GPC3: variants seen among roughly 807,000 people sequenced by gnomAD.
GPC3 encodes the protein glypican 3.
GPC3 carries 3 observed loss-of-function variants against 34.4 expected under a neutral mutation model. That is an observed-to-expected ratio of 0.09 (90% CI 0.04 to 0.23). GPC3 has a LOEUF of 0.23. Among genes scored for constraint, GPC3 ranks in the 10% least tolerant of loss-of-function variants. The pLI is 1.00. For synonymous variants in GPC3, 177 were observed against 174.0 expected (o/e 1.02, Z -0.13); for missense variants, 351 against 445.6 (o/e 0.79, Z 1.91).
chrX:133,958,725 A>G (rs1315901234), intron 1 of GPC3, among the ~76,000 whole-genome samples: 1 of 95,005 alleles, frequency 1.1e-5, no homozygotes, highest in East Asian at 3.2e-4. Flanking sequence ...AAAAAAAAAC[A>G]AAAAAAAAAA....
At chrX:133,543,103 T>A (rs1252786545) in intron 7 of GPC3, among the ~76,000 whole-genome samples, 1 of 111,204 alleles carries the variant, frequency 9.0e-6, no homozygotes, top group Non-Finnish European at 1.9e-5. Context: ...GGACTTCTTT[T>A]GGGAATGGGC....
chrX:133,796,463 C>T (rs774264342), intron 2 of GPC3, among the ~76,000 whole-genome samples: 1 of 112,152 alleles, frequency 8.9e-6, no homozygotes, highest in Admixed American at 9.4e-5. Flanking sequence ...TGGGAGAAGA[C>T]AAATGGCTTT....
At chrX:133,538,937 T>C (rs1310805865) in intron 7 of GPC3, among the ~76,000 whole-genome samples, 1 of 101,232 alleles carries the variant, frequency 9.9e-6, no homozygotes, top group Non-Finnish European at 2.0e-5. Context: ...CCCAGGCTGG[T>C]CTCAAACTCC....
At chrX:133,962,588 C>G in intron 1 of GPC3, among the ~76,000 whole-genome samples, 1 of 111,780 alleles carries the variant, frequency 8.9e-6, no homozygotes, top group Admixed American at 9.5e-5. Flanking sequence ...GAGAACAATG[C>G]CAGCTATGCT....
chrX:133,632,632 C>T, intron 6 of GPC3, among the ~76,000 whole-genome samples: 1 of 111,990 alleles, frequency 8.9e-6, no homozygotes, highest in South Asian at 3.8e-4. Flanking sequence ...ACGTAGCTTC[C>T]AGTGATCTCT....
At chrX:133,850,481 G>GAAATAGTATTT (rs1481727143) in intron 2 of GPC3, among the ~76,000 whole-genome samples, 2 of 110,741 alleles carry the variant, frequency 1.8e-5, no homozygotes, top group Non-Finnish European at 3.8e-5. Context: ...ACCAAACACA[G>GAAATAGTATTT]AAATAGTATT....
chrX:133,918,357 G>A, intron 2 of GPC3, among the ~76,000 whole-genome samples: 1 of 112,460 alleles, frequency 8.9e-6, no homozygotes. Flanking sequence ...GACCTAGTAT[G>A]TTATAGAAAC....
chrX:133,568,071 G>A (rs2069597192), intron 7 of GPC3, among the ~76,000 whole-genome samples: 1 of 112,112 alleles, frequency 8.9e-6, no homozygotes, highest in African/African-American at 3.2e-5. Flanking sequence ...AAAGGAGAGC[G>A]AAATCCTCAG....
chrX:133,967,143 T>C (rs772726628), intron 1 of GPC3, among the ~76,000 whole-genome samples: 2 of 112,020 alleles, frequency 1.8e-5, no homozygotes, highest in African/African-American at 3.2e-5. Context: ...CACCCACACG[T>C]ACATTAGTGA....
chrX:133,592,766 A>T (rs1236145453), intron 7 of GPC3, among the ~76,000 whole-genome samples: 1 of 110,854 alleles, frequency 9.0e-6, no homozygotes, highest in Non-Finnish European at 1.9e-5. Flanking sequence ...ACTTGCCTAG[A>T]TGTTTTATAA....
rs1211746831 is a variant in GPC3 at position 133,789,570 on chromosome X, C to T, written c.338-35394G>A. 2.7e-5 allele frequency among the ~76,000 whole-genome samples: 3 copies of T among 111,855 alleles called. No individual in the cohort carries two copies. In the East Asian group the frequency reaches 8.5e-4, roughly 32 times the overall value. On this transcript the variant is annotated intron_variant, in intron 2 of 7. Coordinates refer to ENST00000370818, the MANE Select transcript of GPC3 (RefSeq NM_004484.4). ...TACTTCCAGGATCTCCAGGGGACAC[C>T]TGTCACCTCTATGGACGACTAAAAG... is the stretch of plus-strand genomic sequence containing the variant.
intron 7 of GPC3, among the ~76,000 whole-genome samples, chrX:133,556,786 G>C (rs1342682058): frequency 1.6e-5 from 1 of 61,837 alleles, no homozygotes; most frequent in Non-Finnish European, 2.8e-5. Context: ...GTGGGGGGAG[G>C]GGGGAGGGAT....
chrX:133,690,884 T>C, intron 5 of GPC3, among the ~76,000 whole-genome samples: 2 of 111,680 alleles, frequency 1.8e-5, no homozygotes, highest in Admixed American at 1.9e-4. Context: ...CTCTATAACA[T>C]GCTACTTGTA....
chrX:133,914,954 T>C lies in GPC3; in HGVS notation c.337+38096A>G, dbSNP rs1189945970. On this transcript the variant is annotated intron_variant, in intron 2 of 7. Transcript: ENST00000370818. ...TTTCATCAAACTGGAAATATATATA[T>C]ATATATATATATATATATATATATA... Among the ~76,000 whole-genome samples, 3 of 88,616 alleles carry C rather than the reference T, an allele frequency of 3.4e-5. No homozygotes were observed. The East Asian group carries it at 9.9e-4, about 29-fold the overall frequency. The allele number at this position is 88,616 out of a possible 115,157, so 77.0% of individuals were successfully genotyped here.
At chrX:133,944,324 A>G (rs1261334479) in intron 2 of GPC3, among the ~76,000 whole-genome samples, 1 of 112,328 alleles carries the variant, frequency 8.9e-6, no homozygotes, top group Non-Finnish European at 1.9e-5. Flanking sequence ...ATGCAATCCA[A>G]TAATGACATT....
chrX:133,783,256 A>C (rs756395902), intron 2 of GPC3, among the ~76,000 whole-genome samples: 2 of 111,670 alleles, frequency 1.8e-5, no homozygotes, highest in Non-Finnish European at 3.8e-5. Context: ...GTTGCATTTC[A>C]GGAGGTGTCA....
intron 2 of GPC3, among the ~76,000 whole-genome samples, chrX:133,850,411 G>A (rs1281390601): frequency 9.0e-6 from 1 of 110,548 alleles, no homozygotes; most frequent in Non-Finnish European, 1.9e-5. Context: ...CATGATGAAT[G>A]AGAAGAGATC....
chrX:133,724,206 C>G (rs889454393), intron 3 of GPC3, among the ~76,000 whole-genome samples: 4 of 112,183 alleles, frequency 3.6e-5, no homozygotes, highest in African/African-American at 1.3e-4. Context: ...TCTACAACTT[C>G]AAAGCCTAAT....
chrX:133,738,994 G>T (rs759090960), intron 3 of GPC3, among the ~76,000 whole-genome samples: 1 of 112,079 alleles, frequency 8.9e-6, no homozygotes, highest in Admixed American at 9.5e-5. Flanking sequence ...ACTTCAGTAG[G>T]AAAGGGTGGA....
Sources: allele counts gnomAD v4.1 joint callset (sites outside exome capture counted in the v4.1 genomes callset), GRCh38; gene constraint gnomAD v4.1.1; transcripts MANE v1.5; gene names NCBI Gene and HGNC (gene_info 2026-07-23, HGNC 2026-07-21).